The following KALRN variants were observed in gnomAD, a reference collection of about 807,000 sequenced individuals.
KALRN encodes kalirin RhoGEF kinase.
In KALRN, 70 loss-of-function variants were observed where a neutral mutation model predicts 353.7. The ratio of observed to expected loss-of-function variants is 0.20; its 90% CI spans 0.16 to 0.24. The LOEUF (loss-of-function observed/expected upper bound fraction) is 0.24. KALRN is among the 10% of genes least tolerant of loss of function. The probability of loss-of-function intolerance (pLI) is 1.00; values close to 1 mark genes in which losing one functional copy is unlikely to be tolerated. For missense variants in KALRN, 2,791 were observed against 3,756.7 expected (o/e 0.74, Z 6.72); for synonymous variants, 1,391 against 1,434.8 (o/e 0.97, Z 0.69).
chr3:124,091,029 A>G (rs2061087311), intron 1 of KALRN, among the ~76,000 whole-genome samples: 1 of 152,146 alleles, frequency 6.6e-6, no homozygotes, highest in African/African-American at 2.4e-5. Context: ...GTCATGGGAG[A>G]GACTGGCAGG....
At chr3:124,712,913 AC>A (rs2062962636) in intron 57 of KALRN, 21 bp from the exon 58 acceptor site, 2 of 1,570,784 alleles carry the variant, frequency 1.3e-6, no homozygotes, top group Admixed American at 3.4e-5. Context: ...ATGTTGGCAA[AC>A]TCTCCCTTTT....
At chr3:124,053,474 G>A (rs1215201844) in intron 1 of KALRN, among the ~76,000 whole-genome samples, 1 of 152,174 alleles carries the variant, frequency 6.6e-6, no homozygotes, top group Admixed American at 6.5e-5. Flanking sequence ...TGTGGGTGAA[G>A]ACTGATGGTG....
chr3:124,612,454 C>T (rs1449847244), intron 34 of KALRN, among the ~76,000 whole-genome samples: 2 of 152,202 alleles, frequency 1.3e-5, no homozygotes, highest in African/African-American at 2.4e-5. Context: ...CCACCTGCCT[C>T]GGCCTCCCAA....
At chr3:124,509,674 A>G (rs2065656904) in intron 33 of KALRN, among the ~76,000 whole-genome samples, 1 of 152,198 alleles carries the variant, frequency 6.6e-6, no homozygotes, top group South Asian at 2.1e-4. Context: ...GTTACATTTC[A>G]CTCTATACAT....
At chr3:124,047,626 G>A (rs1406135534) in intron 1 of KALRN, among the ~76,000 whole-genome samples, 1 of 149,858 alleles carries the variant, frequency 6.7e-6, no homozygotes, top group African/African-American at 2.5e-5. Flanking sequence ...CCAAGTAGCT[G>A]CAACTACAGG....
At chr3:124,686,804 T>C (rs919062572) in intron 51 of KALRN, among the ~76,000 whole-genome samples, 1 of 52,018 alleles carries the variant, frequency 1.9e-5, no homozygotes, top group African/African-American at 1.4e-4. Flanking sequence ...TGAGATTTTT[T>C]TTTTTTTTTT....
At chr3:124,448,259 G>A (rs140329274) in intron 21 of KALRN, among the ~76,000 whole-genome samples, 7 of 152,090 alleles carry the variant, frequency 4.6e-5, no homozygotes, top group African/African-American at 1.7e-4. Context: ...AGCTGTAGTA[G>A]CTTCCTAATT....
chr3:124,674,252 C>T, intron 48 of KALRN, 112 bp from the exon 49 acceptor site: 1 of 1,022,986 alleles, frequency 9.8e-7, no homozygotes. Flanking sequence ...CTGCCTGCTG[C>T]CTACCCTGCT....
chr3:124,637,780 G>GTGTGGATA (rs1323825229), intron 37 of KALRN, among the ~76,000 whole-genome samples: 1 of 152,200 alleles, frequency 6.6e-6, no homozygotes, highest in Non-Finnish European at 1.5e-5. Flanking sequence ...GGGCAAAAGT[G>GTGTGGATA]TGTGGATACC....
At chr3:124,062,747 A>C (rs1345699406) in intron 1 of KALRN, among the ~76,000 whole-genome samples, 1 of 152,146 alleles carries the variant, frequency 6.6e-6, no homozygotes, top group African/African-American at 2.4e-5. Context: ...AAAGGAAGCT[A>C]GTTTGGAGAG....
rs2109114030 is a variant in KALRN, at chr3:124,528,958, T to C, written c.4935+32545T>C. Among the ~76,000 whole-genome samples the C allele has an allele frequency of 1.3e-5, 2 of 152,352 alleles. 1 individual carries two copies. The highest frequency in any genetic ancestry group is 4.1e-4 in the South Asian group (2 of 4,822). On this transcript the variant is annotated intron_variant, in intron 33 of 59. Coordinates refer to ENST00000682506, the MANE Select transcript of KALRN (RefSeq NM_001388419.1). ...CCCATATAGGTCAACCATCTTTTTG[T>C]CCTATCCTGATAAAAATTTAATTTT...
chr3:124,709,828 C>T lies in KALRN; in HGVS notation c.8076-3107C>T, dbSNP rs185139359. On this transcript the variant is annotated intron_variant, in intron 57 of 59. Transcript: ENST00000682506. Reference sequence around the variant, plus strand: ...TGAGTTTACTAATTGAGAGAGCACCCGAGTGCCCAACCTAATGGATGAAAA... The same window carrying T: ...TGAGTTTACTAATTGAGAGAGCACCTGAGTGCCCAACCTAATGGATGAAAA... 2.6e-3 allele frequency among the ~76,000 whole-genome samples: 391 copies of T among 152,256 alleles called. 7 individuals carry two copies. Among genetic ancestry groups the T allele is most frequent in the Non-Finnish European group, 7.6e-4 (52 of 68,012 alleles).
At chr3:124,458,073 C>T (rs372818901) in intron 23 of KALRN, among the ~76,000 whole-genome samples, 10 of 152,090 alleles carry the variant, frequency 6.6e-5, no homozygotes, top group South Asian at 2.1e-4. Context: ...GTCAGGAGTT[C>T]GAGACCGGCC....
chr3:124,646,669 G>T (rs371102357), intron 37 of KALRN, among the ~76,000 whole-genome samples: 4 of 150,062 alleles, frequency 2.7e-5, no homozygotes, highest in East Asian at 4.0e-4. Context: ...GGGATTACGG[G>T]CATGAGCCAC....
At chr3:124,284,463 C>T (rs1397720313) in intron 5 of KALRN, among the ~76,000 whole-genome samples, 1 of 152,206 alleles carries the variant, frequency 6.6e-6, no homozygotes, top group Non-Finnish European at 1.5e-5. Context: ...CAAGTGCTGT[C>T]CAGGTGTTGC....
chr3:124,115,629 T>C (rs911115848), intron 1 of KALRN, among the ~76,000 whole-genome samples: 25 of 152,162 alleles, frequency 1.6e-4, no homozygotes. Flanking sequence ...GTGTGTCCCT[T>C]GATTTAAAGC....
In KALRN at chr3:124,398,875, GCAGGGGGC is replaced by G; in HGVS notation, c.2346+9_2346+16del. ...CTTTGAGCAGTACACCATCGAGGTA[GCAGGGGGC>G]CAGGAGGGGAGGTGGAGAGGGGCCA... On this transcript the variant is annotated splice_donor_5th_base_variant and intron_variant, in intron 13 of 59. Coordinates refer to ENST00000682506, the MANE Select transcript of KALRN (RefSeq NM_001388419.1). 6.3e-7 allele frequency: 1 copy of G among 1,598,474 alleles called. No homozygotes were observed. The highest frequency in any genetic ancestry group is 8.5e-7 in the Non-Finnish European group (1 of 1,171,354).
intron 3 of KALRN, among the ~76,000 whole-genome samples, chr3:124,262,129 G>A (rs1056926646): frequency 4.6e-5 from 7 of 152,174 alleles, no homozygotes; most frequent in Non-Finnish European, 1.0e-4. Context: ...TGGTGGACAT[G>A]TAAGTTGACA....
chr3:124,460,186 T>A (rs1452795729), intron 23 of KALRN, among the ~76,000 whole-genome samples: 1 of 152,204 alleles, frequency 6.6e-6, no homozygotes, highest in Non-Finnish European at 1.5e-5. Context: ...GCAGTGATAC[T>A]GTTTCCAAAT....
Sources: gnomAD v4.1 joint callset for allele counts (sites outside exome capture counted in the v4.1 genomes callset) on GRCh38, gnomAD v4.1.1 for gene constraint, MANE v1.5 for transcripts, NCBI Gene and HGNC (gene_info 2026-07-23, HGNC 2026-07-21) for gene names.